SLC23A2: variants seen among roughly 807,000 people sequenced by gnomAD.
The protein encoded by SLC23A2 is Na(+)/L-ascorbic acid transporter 2.
In SLC23A2, 36 loss-of-function variants were observed where a neutral mutation model predicts 73.3. That is an observed-to-expected ratio of 0.49 (90% CI 0.38 to 0.65). The LOEUF (loss-of-function observed/expected upper bound fraction) is 0.65. Among genes scored for constraint, SLC23A2 ranks in the 30% least tolerant of loss-of-function variants. SLC23A2 has a pLI of 0.00. For synonymous variants in SLC23A2, 343 were observed against 327.3 expected (o/e 1.05, Z -0.52); for missense variants, 507 against 841.6 (o/e 0.60, Z 4.92).
intron 2 of SLC23A2, among the ~76,000 whole-genome samples, chr20:4,940,799 G>A (rs891062849): frequency 6.6e-5 from 10 of 152,228 alleles, no homozygotes; most frequent in Non-Finnish European, 1.5e-4. Flanking sequence ...CAGAAGCAGA[G>A]TAGGATGGTG....
chr20:4,943,808 C>G (rs1236041833), intron 2 of SLC23A2, among the ~76,000 whole-genome samples: 7 of 152,178 alleles, frequency 4.6e-5, no homozygotes, highest in African/African-American at 1.7e-4. Context: ...GTAAGCAAAT[C>G]ATGGTGGGTC....
intron 6 of SLC23A2, among the ~76,000 whole-genome samples, chr20:4,897,566 T>C (rs1033409220): frequency 5.9e-5 from 9 of 152,126 alleles, no homozygotes; most frequent in African/African-American, 2.2e-4. Context: ...GTCAAATCCC[T>C]CTCCTGTTCT....
At chr20:4,920,301 A>G (rs1932460902) in intron 3 of SLC23A2, among the ~76,000 whole-genome samples, 1 of 152,232 alleles carries the variant, frequency 6.6e-6, no homozygotes, top group Non-Finnish European at 1.5e-5. Context: ...AATCGGGACA[A>G]GAGCCCAGTC....
intron 2 of SLC23A2, among the ~76,000 whole-genome samples, chr20:4,960,488 G>A (rs1600175357): frequency 6.6e-6 from 1 of 152,292 alleles, no homozygotes; most frequent in East Asian, 1.9e-4. Context: ...TCTAAGTTAT[G>A]CTATGCTTAA....
chr20:4,928,373 CCCAAAACT>C (rs1555803067), intron 3 of SLC23A2, among the ~76,000 whole-genome samples: 2 of 152,136 alleles, frequency 1.3e-5, no homozygotes, highest in Non-Finnish European at 2.9e-5. Context: ...CTATCCACAA[CCCAAAACT>C]CCATCCCACA....
intron 6 of SLC23A2, among the ~76,000 whole-genome samples, chr20:4,889,713 T>G (rs1344318392): frequency 6.6e-6 from 1 of 151,866 alleles, no homozygotes; most frequent in African/African-American, 2.4e-5. Context: ...CATCTCAACC[T>G]TGAGGCGGGC....
At chr20:4,943,345 T>C (rs1221779912) in intron 2 of SLC23A2, among the ~76,000 whole-genome samples, 2 of 152,042 alleles carry the variant, frequency 1.3e-5, no homozygotes, top group Non-Finnish European at 2.9e-5. Flanking sequence ...CTCATGTGCT[T>C]AAGACTCACA....
At chr20:4,907,557 A>G (rs1290012706) in intron 4 of SLC23A2, among the ~76,000 whole-genome samples, 1 of 152,220 alleles carries the variant, frequency 6.6e-6, no homozygotes, top group Non-Finnish European at 1.5e-5. Context: ...AAAGACTTTA[A>G]CCAGTAAACA....
At chr20:4,946,270 A>C (rs1027261506) in intron 2 of SLC23A2, among the ~76,000 whole-genome samples, 2 of 152,158 alleles carry the variant, frequency 1.3e-5, no homozygotes, top group Non-Finnish European at 1.5e-5. Flanking sequence ...GATCCCTTAG[A>C]GGCCACTCCC....
In SLC23A2 at chr20:4,893,306, C is replaced by G. The variant is rs533906719; in HGVS notation, c.482+6249G>C. ...TCTCAAACTCCTGGGCTTAAGCAAT[C>G]CTCCCGCCTCAGACTCCCAAAGTGC... On this transcript the variant is annotated intron_variant, in intron 6 of 16. Coordinates refer to ENST00000338244, the MANE Select transcript of SLC23A2 (RefSeq NM_005116.6). Among the ~76,000 whole-genome samples the G allele has an allele frequency of 4.1e-4, 62 of 152,218 alleles. 1 individual carries two copies. Among genetic ancestry groups the G allele is most frequent in the African/African-American group, 1.3e-3 (55 of 41,540 alleles).
chr20:4,969,179 C>T (rs2087523019), intron 2 of SLC23A2, among the ~76,000 whole-genome samples: 1 of 151,768 alleles, frequency 6.6e-6, no homozygotes, highest in South Asian at 2.1e-4. Flanking sequence ...CTCCTGCCTC[C>T]CAGGTTCAAG....
chr20:4,852,744 GGA>G lies in SLC23A2; in HGVS notation c.*4226_*4227del, dbSNP rs1929573012. 1 of 152,416 alleles carries G rather than the reference GGA, an allele frequency of 6.6e-6. No homozygotes were observed. Among genetic ancestry groups the G allele is most frequent in the African/African-American group, 2.4e-5 (1 of 41,438 alleles). 9.4% of individuals were successfully genotyped at this position (152,416 alleles called of 1,614,324 possible). A position where few individuals can be genotyped will look rare whatever the true frequency, so the allele number is the denominator to read the frequency against. On this transcript the variant is annotated 3_prime_UTR_variant, in exon 17 of 17. Coordinates refer to ENST00000338244, the MANE Select transcript of SLC23A2 (RefSeq NM_005116.6). The surrounding 1 kb of genome is among the most constrained non-coding windows in gnomAD (Gnocchi z 4.3). ...AAGATTGTTACTAACGAACAAAAAA[GGA>G]GAGTCATTTGAACTGTCAGTAAGAT... is the stretch of plus-strand genomic sequence containing the variant.
intron 2 of SLC23A2, among the ~76,000 whole-genome samples, chr20:4,935,400 T>TA (rs1394888309): frequency 4.6e-5 from 7 of 152,114 alleles, no homozygotes; most frequent in Non-Finnish European, 8.8e-5. Context: ...CCCCGCCACT[T>TA]ACAGGTCCTA....
intron 2 of SLC23A2, among the ~76,000 whole-genome samples, chr20:4,935,650 T>G (rs2086951173): frequency 6.6e-6 from 1 of 151,860 alleles, no homozygotes; most frequent in Admixed American, 6.6e-5. Flanking sequence ...TACAAAAAAA[T>G]TAGCCGGGCG....
At chr20:4,952,078 T>C (rs902182646) in intron 2 of SLC23A2, among the ~76,000 whole-genome samples, 1 of 114,074 alleles carries the variant, frequency 8.8e-6, no homozygotes, top group African/African-American at 3.4e-5. Flanking sequence ...CACTCCAGCC[T>C]GGGCGACAGA....
At chr20:4,987,541 T>C (rs2087849862) in intron 1 of SLC23A2, among the ~76,000 whole-genome samples, 1 of 152,102 alleles carries the variant, frequency 6.6e-6, no homozygotes. Flanking sequence ...GATGCTGGGC[T>C]TTGTTCGCTA....
Position 4,902,514 on chromosome 20 carries a change from G to T in SLC23A2, c.252C>A (p.Pro84=). The change falls in exon 5 of 17, where the codon CCC becomes CCA. Residue 84 remains proline (P), a synonymous_variant. Transcript: ENST00000338244. This position sits in a 1 kb window ranked among gnomAD's most constrained non-coding sequence, Gnocchi z 4.0. Reference sequence around the variant, plus strand: ...TGGTATAAATCATGTCTGATCGCTGGGGGTCCAGACTGCCAGTGCTATCCA... The same window carrying T: ...TGGTATAAATCATGTCTGATCGCTGTGGGTCCAGACTGCCAGTGCTATCCA... ...ETLDSTGSLD[P]QRSDMIYTIE... is the part of the protein sequence containing the mutation. 6.2e-7 allele frequency: 1 copy of T among 1,613,146 alleles called. No homozygotes were observed. Among genetic ancestry groups the T allele is most frequent in the African/African-American group, 1.3e-5 (1 of 74,948 alleles).
intron 5 of SLC23A2, among the ~76,000 whole-genome samples, chr20:4,901,538 G>T (rs954685317): frequency 6.6e-6 from 1 of 152,178 alleles, no homozygotes; most frequent in East Asian, 1.9e-4. Context: ...AAAGGGAAAA[G>T]GGTGCTGAAG....
At position 4,856,937 on chromosome 20, in the gene SLC23A2, C is replaced by T; in HGVS notation, c.*35G>A. On this transcript the variant is annotated 3_prime_UTR_variant, in exon 17 of 17. Coordinates refer to ENST00000338244, the MANE Select transcript of SLC23A2 (RefSeq NM_005116.6). The surrounding 1 kb of genome is among the most constrained non-coding windows in gnomAD (Gnocchi z 4.6). ...CTCAGCAAGGAACTACAGATACATGCCTCACTGCGGCCAGGCCACAGGGCA... is the reference window on the plus strand; with the variant it reads ...CTCAGCAAGGAACTACAGATACATGTCTCACTGCGGCCAGGCCACAGGGCA... 7.5e-7 allele frequency: 1 copy of T among 1,338,464 alleles called. No individual in the cohort carries two copies. Among genetic ancestry groups the T allele is most frequent in the Non-Finnish European group, 1.1e-6 (1 of 935,490 alleles). The allele number at this position is 1,338,464 out of a possible 1,614,324, so 82.9% of individuals were successfully genotyped here.
Sources: gnomAD v4.1 joint callset for allele counts (sites outside exome capture counted in the v4.1 genomes callset) on GRCh38, gnomAD v4.1.1 for gene constraint, Gnocchi (gnomAD v3.1) non-coding constraint, MANE v1.5 for transcripts, NCBI Gene and HGNC (gene_info 2026-07-23, HGNC 2026-07-21) for gene names.